Variants in MACROD2 observed in about 807,000 individuals in gnomAD.
The protein encoded by MACROD2 is ADP-ribose glycohydrolase MACROD2.
MACROD2 carries 36 observed loss-of-function variants against 70.4 expected under a neutral mutation model. The ratio of observed to expected loss-of-function variants is 0.51; its 90% CI spans 0.39 to 0.68. The LOEUF is 0.68. MACROD2 is among the 30% of genes least tolerant of loss of function. The pLI, the probability that MACROD2 is intolerant of heterozygous loss-of-function variation, is 0.00. For missense variants in MACROD2, 496 were observed against 538.4 expected (o/e 0.92, Z 0.78); for synonymous variants, 172 against 178.8 (o/e 0.96, Z 0.30).
chr20:15,007,348 A>G (rs1352629743), intron 5 of MACROD2, among the ~76,000 whole-genome samples: 2 of 151,910 alleles, frequency 1.3e-5, no homozygotes, highest in Admixed American at 6.6e-5. Context: ...TGGGCGACAG[A>G]GTGAGACTCC....
At chr20:14,583,210 A>G (rs1449787142) in intron 4 of MACROD2, among the ~76,000 whole-genome samples, 2 of 152,178 alleles carry the variant, frequency 1.3e-5, no homozygotes, top group South Asian at 2.1e-4. Context: ...CAGCATGAGC[A>G]TGTCTTTTAG....
intron 5 of MACROD2, among the ~76,000 whole-genome samples, chr20:15,056,877 T>C (rs2075490507): frequency 6.6e-6 from 1 of 152,094 alleles, no homozygotes; most frequent in Non-Finnish European, 1.5e-5. Context: ...GAGAAACAGA[T>C]AGGAGTGGAG....
At chr20:15,546,911 T>A (rs568060912) in intron 8 of MACROD2, among the ~76,000 whole-genome samples, 1 of 152,302 alleles carries the variant, frequency 6.6e-6, no homozygotes, top group Admixed American at 6.5e-5. Context: ...TCAAAAGGAA[T>A]CCCCTTTTCC....
chr20:15,007,715 A>AC (rs1322584735), intron 5 of MACROD2, among the ~76,000 whole-genome samples: 1 of 152,246 alleles, frequency 6.6e-6, no homozygotes, highest in Non-Finnish European at 1.5e-5. Context: ...GAACTGGGCC[A>AC]CCAGGGTTGC....
At position 15,697,278 on chromosome 20, in the gene MACROD2, T is replaced by A. The variant is rs1426832771; in HGVS notation, c.646-165467T>A. On this transcript the variant is annotated intron_variant, in intron 8 of 17. Coordinates refer to ENST00000684519, the MANE Select transcript of MACROD2 (RefSeq NM_001351661.2). ...CATTATTGTCATTCAGTTCGAAGAA[T>A]TTTTTAATTTCCATATTGATTTCAT... Among the ~76,000 whole-genome samples the A allele has an allele frequency of 1.1e-4, 16 of 152,178 alleles. 2 individuals carry two copies. The highest frequency in any genetic ancestry group is 1.0e-3 in the Admixed American group (16 of 15,266).
chr20:15,353,545 C>G (rs1005547440), intron 6 of MACROD2, among the ~76,000 whole-genome samples: 8 of 152,044 alleles, frequency 5.3e-5, no homozygotes, highest in Non-Finnish European at 8.8e-5. Context: ...GCAAAAGAAA[C>G]TAGCATCACA....
intron 4 of MACROD2, among the ~76,000 whole-genome samples, chr20:14,586,942 AT>A (rs938766435): frequency 4.6e-5 from 7 of 151,536 alleles, no homozygotes; most frequent in East Asian, 1.9e-4. Context: ...GACATAATAT[AT>A]TTTTTTTCAG....
intron 10 of MACROD2, among the ~76,000 whole-genome samples, chr20:15,910,617 T>A (rs2065222717): frequency 6.6e-6 from 1 of 152,218 alleles, no homozygotes; most frequent in African/African-American, 2.4e-5. Context: ...AGGCACTTTC[T>A]GACGATGGTC....
intron 10 of MACROD2, among the ~76,000 whole-genome samples, chr20:15,920,510 G>A (rs1261780274): frequency 6.6e-6 from 1 of 152,154 alleles, no homozygotes; most frequent in Non-Finnish European, 1.5e-5. Flanking sequence ...TTTCTACTGG[G>A]CTAATTTTTT....
At chr20:15,695,651 C>T (rs2050357958) in intron 8 of MACROD2, among the ~76,000 whole-genome samples, 2 of 152,122 alleles carry the variant, frequency 1.3e-5, no homozygotes, top group African/African-American at 2.4e-5. Flanking sequence ...CCTCGTGATC[C>T]ACCCGCCTCG....
intron 5 of MACROD2, among the ~76,000 whole-genome samples, chr20:15,005,376 C>T (rs1253686262): frequency 1.3e-5 from 2 of 152,206 alleles, no homozygotes; most frequent in African/African-American, 2.4e-5. Flanking sequence ...CAAGTGTCCT[C>T]TGTACAGACT....
chr20:14,643,418 T>G (rs1457084828), intron 4 of MACROD2, among the ~76,000 whole-genome samples: 1 of 152,212 alleles, frequency 6.6e-6, no homozygotes, highest in East Asian at 1.9e-4. Flanking sequence ...GCTAGTGTGA[T>G]AACTCATACC....
chr20:14,091,379 T>G (rs944439915), intron 3 of MACROD2, among the ~76,000 whole-genome samples: 1 of 152,140 alleles, frequency 6.6e-6, no homozygotes, highest in South Asian at 2.1e-4. Context: ...TTTCAAAGTT[T>G]TAGATATACA....
intron 4 of MACROD2, among the ~76,000 whole-genome samples, chr20:14,631,338 C>T (rs1307992944): frequency 6.6e-6 from 1 of 152,170 alleles, no homozygotes; most frequent in South Asian, 2.1e-4. Flanking sequence ...CTTTTGTTCA[C>T]GGTTTCTGCT....
At chr20:14,250,718 G>C (rs2122269985) in intron 3 of MACROD2, among the ~76,000 whole-genome samples, 1 of 152,112 alleles carries the variant, frequency 6.6e-6, no homozygotes, top group African/African-American at 2.4e-5. Flanking sequence ...TATTTCCATA[G>C]AGTCTCTAGC....
chr20:14,457,179 G>C (rs1288544042), intron 3 of MACROD2, among the ~76,000 whole-genome samples: 1 of 152,098 alleles, frequency 6.6e-6, no homozygotes, highest in Non-Finnish European at 1.5e-5. Context: ...TCAGGGTAGT[G>C]TTGTGAATGG....
chr20:15,072,325 G>A (rs1454716938), intron 5 of MACROD2, among the ~76,000 whole-genome samples: 4 of 152,004 alleles, frequency 2.6e-5, no homozygotes, highest in African/African-American at 7.2e-5. Flanking sequence ...AATTCATGTT[G>A]GAGTAATTTT....
intron 5 of MACROD2, among the ~76,000 whole-genome samples, chr20:15,017,281 C>T (rs563506587): frequency 7.9e-5 from 12 of 152,262 alleles, no homozygotes; most frequent in Admixed American, 4.6e-4. Flanking sequence ...TGAAATCCAG[C>T]GGGGCAGTCA....
At chr20:14,101,762 G>T (rs2054304656) in intron 3 of MACROD2, among the ~76,000 whole-genome samples, 1 of 150,864 alleles carries the variant, frequency 6.6e-6, no homozygotes, top group African/African-American at 2.4e-5. Context: ...CTTTGTTTTG[G>T]TCTTTAAGAG....
Sources: allele counts gnomAD v4.1 joint callset (sites outside exome capture counted in the v4.1 genomes callset), GRCh38; gene constraint gnomAD v4.1.1; transcripts MANE v1.5; gene names NCBI Gene and HGNC (gene_info 2026-07-23, HGNC 2026-07-21).